Variants in GRIA3 observed in about 807,000 individuals in gnomAD.
GRIA3 encodes the protein glutamate ionotropic receptor AMPA type subunit 3.
In GRIA3, 3 loss-of-function variants were observed where a neutral mutation model predicts 63.0. The ratio of observed to expected loss-of-function variants is 0.05; its 90% CI spans 0.02 to 0.12. GRIA3 has a LOEUF of 0.12. GRIA3 is among the 10% of genes least tolerant of loss of function. The probability of loss-of-function intolerance (pLI) is 1.00; values close to 1 mark genes in which losing one functional copy is unlikely to be tolerated. For missense variants in GRIA3, 347 were observed against 700.9 expected, an observed-to-expected ratio of 0.50 and a Z score of 5.70; for synonymous variants, 274 against 257.9, an observed-to-expected ratio of 1.06 and a Z score of -0.60.
At chrX:123,343,068 C>G (rs779295996) in intron 4 of GRIA3, among the ~76,000 whole-genome samples, 1 of 111,770 alleles carries the variant, frequency 8.9e-6, no homozygotes, top group East Asian at 2.8e-4. Context: ...ATTATCCAAC[C>G]TCTCTGTGCC....
At chrX:123,458,748 A>T (rs890519946) in intron 12 of GRIA3, among the ~76,000 whole-genome samples, 1 of 111,765 alleles carries the variant, frequency 8.9e-6, no homozygotes, top group African/African-American at 3.2e-5. Flanking sequence ...CCTCAACTTA[A>T]CTGCAAAACA....
intron 2 of GRIA3, among the ~76,000 whole-genome samples, chrX:123,215,435 C>T (rs1225866977): frequency 8.9e-6 from 1 of 111,982 alleles, no homozygotes; most frequent in Non-Finnish European, 1.9e-5. Flanking sequence ...ACTGTTCGTT[C>T]CTTTTCCCCT....
At chrX:123,474,519 G>A (rs1043157858) in intron 13 of GRIA3, among the ~76,000 whole-genome samples, 2 of 109,483 alleles carry the variant, frequency 1.8e-5, no homozygotes, top group East Asian at 2.9e-4. Context: ...CCATCTCTAC[G>A]AAAAATATAA....
intron 2 of GRIA3, among the ~76,000 whole-genome samples, chrX:123,239,643 C>T (rs1432195915): frequency 8.9e-6 from 1 of 112,174 alleles, no homozygotes; most frequent in East Asian, 2.8e-4. Flanking sequence ...ATGCCTAAAA[C>T]AGTTAGTAAC....
rs371511444 is a variant in GRIA3, at chrX:123,399,510, T to C, written c.1080+707T>C. 5.3e-5 allele frequency among the ~76,000 whole-genome samples: 6 copies of C among 112,259 alleles called. No homozygotes were observed. The East Asian group carries it at 1.4e-3, about 26-fold the overall frequency. ...CTTCAAGCAATGTCCTTTGAACAGA[T>C]TTCATTATTTATACCAGAAGTAGCA... On this transcript the variant is annotated intron_variant, in intron 7 of 15. Coordinates refer to ENST00000620443, the MANE Select transcript of GRIA3 (RefSeq NM_007325.5).
chrX:123,345,483 CA>C (rs2045041543), intron 4 of GRIA3, among the ~76,000 whole-genome samples: 1 of 109,107 alleles, frequency 9.2e-6, no homozygotes, highest in East Asian at 2.9e-4. Context: ...CACACACACA[CA>C]CACACACACA....
intron 2 of GRIA3, among the ~76,000 whole-genome samples, chrX:123,237,849 G>A (rs1487259448): frequency 9.2e-6 from 1 of 108,814 alleles, no homozygotes; most frequent in African/African-American, 3.4e-5. Context: ...CCACCCCATG[G>A]AGCAAGTTAG....
rs144918037 is a variant in GRIA3, at chrX:123,429,777, T to C, written c.2076+1638T>C. Among the ~76,000 whole-genome samples the C allele has an allele frequency of 5.8e-3, 654 of 112,312 alleles. 7 individuals are homozygous for C. The highest frequency in any genetic ancestry group is 0.02 in the African/African-American group (617 of 30,936). ...ATATGAAGTAATTAACCACTTAGGATATCAAGACACCAGACTTGAACCCTC... is the reference window on the plus strand; with the variant it reads ...ATATGAAGTAATTAACCACTTAGGACATCAAGACACCAGACTTGAACCCTC... On this transcript the variant is annotated intron_variant, in intron 12 of 15. Coordinates refer to ENST00000620443, the MANE Select transcript of GRIA3 (RefSeq NM_007325.5).
chrX:123,323,553 G>T (rs187787619), intron 3 of GRIA3, among the ~76,000 whole-genome samples: 3 of 112,316 alleles, frequency 2.7e-5, no homozygotes, highest in African/African-American at 9.7e-5. Context: ...AGTCAGTAAA[G>T]GAAGTTTCAT....
At chrX:123,220,946 C>G (rs908179207) in intron 2 of GRIA3, among the ~76,000 whole-genome samples, 3 of 112,380 alleles carry the variant, frequency 2.7e-5, no homozygotes, top group African/African-American at 9.7e-5. Flanking sequence ...CACTTACACA[C>G]TCATAGTTTT....
intron 12 of GRIA3, among the ~76,000 whole-genome samples, chrX:123,463,682 A>AAGAAAGAAAG (rs2045814249): frequency 2.5e-5 from 1 of 40,701 alleles, no homozygotes; most frequent in Non-Finnish European, 3.9e-5. Flanking sequence ...GAAAGAAAGA[A>AAGAAAGAAAG]AGAGAGAGAA....
intron 13 of GRIA3, among the ~76,000 whole-genome samples, chrX:123,467,586 T>C (rs1165035737): frequency 8.9e-6 from 1 of 111,768 alleles, no homozygotes; most frequent in Non-Finnish European, 1.9e-5. Flanking sequence ...TTGAAGTGAG[T>C]TGCAGAATGA....
At chrX:123,210,175 C>CT (rs200522754) in intron 2 of GRIA3, among the ~76,000 whole-genome samples, 512 of 92,264 alleles carry the variant, frequency 5.5e-3, no homozygotes, top group South Asian at 0.017. Flanking sequence ...CAACCTGCTC[C>CT]TTTTTTTTTT....
At position 123,417,670 on chromosome X, in the gene GRIA3, C is replaced by T; in HGVS notation, c.1769C>T (p.Pro590Leu). The T allele has an allele frequency of 8.5e-7, 1 of 1,179,805 alleles. No homozygotes were observed. Among genetic ancestry groups the T allele is most frequent in the Non-Finnish European group, 1.1e-6 (1 of 879,833 alleles). ...CACTTGGAAGACAACAATGAAGAAC[C>T]TCGTGACCCACAAAGTCCTCCTGAT... Reference protein sequence around the residue: ...EWHLEDNNEEPRDPQSPPDPP... With the variant: ...EWHLEDNNEELRDPQSPPDPP... The change falls in exon 11 of 16, where the codon CCT becomes CTT. Residue 590 changes from proline to leucine, a missense_variant. By Grantham distance (98) the Pro-to-Leu change is moderately conservative (BLOSUM62 -3). Transcript: ENST00000620443.
chrX:123,401,660 C>T (rs938262658), intron 7 of GRIA3, among the ~76,000 whole-genome samples: 2 of 111,783 alleles, frequency 1.8e-5, no homozygotes, highest in African/African-American at 6.5e-5. Flanking sequence ...ACAGGAATTC[C>T]ACAGTCTCCT....
chrX:123,367,235 C>T (rs181082090), intron 5 of GRIA3, among the ~76,000 whole-genome samples: 30 of 111,231 alleles, frequency 2.7e-4, no homozygotes, highest in African/African-American at 9.1e-4. Flanking sequence ...CATTGTTTCT[C>T]GCAAAAATAT....
intron 12 of GRIA3, among the ~76,000 whole-genome samples, chrX:123,456,856 G>C (rs1250621923): frequency 8.9e-6 from 1 of 111,812 alleles, no homozygotes; most frequent in Non-Finnish European, 1.9e-5. Flanking sequence ...GGTCCTGTAA[G>C]TGTTCCGTTC....
intron 2 of GRIA3, among the ~76,000 whole-genome samples, chrX:123,230,391 G>A (rs1303015828): frequency 9.0e-6 from 1 of 111,692 alleles, no homozygotes; most frequent in Non-Finnish European, 1.9e-5. Context: ...TTATTCAGAA[G>A]TGTTAACGAT....
intron 5 of GRIA3, among the ~76,000 whole-genome samples, chrX:123,391,924 G>A: frequency 8.9e-6 from 1 of 112,061 alleles, no homozygotes; most frequent in Non-Finnish European, 1.9e-5. Flanking sequence ...CAACGGTGGT[G>A]AATGGGGCAG....
Sources: gnomAD v4.1 joint callset for allele counts (sites outside exome capture counted in the v4.1 genomes callset) on GRCh38, gnomAD v4.1.1 for gene constraint, MANE v1.5 for transcripts, NCBI Gene and HGNC (gene_info 2026-07-23, HGNC 2026-07-21) for gene names.